Variants in STXBP5 observed in about 807,000 individuals in gnomAD.
STXBP5 encodes the protein syntaxin binding protein 5.
Under a neutral mutation model 152.4 loss-of-function variants are expected in STXBP5, and 50 were observed. The ratio of observed to expected loss-of-function variants is 0.33; its 90% CI spans 0.26 to 0.42. The LOEUF (loss-of-function observed/expected upper bound fraction) is 0.42, where lower values mean the gene tolerates loss of function less well. Among genes scored for constraint, STXBP5 ranks in the 10% least tolerant of loss-of-function variants. The pLI is 1.00. For missense variants in STXBP5, 1,167 were observed against 1,388.6 expected, an observed-to-expected ratio of 0.84 and a Z score of 2.54; for synonymous variants, 492 against 494.7, an observed-to-expected ratio of 0.99 and a Z score of 0.07.
intron 22 of STXBP5, among the ~76,000 whole-genome samples, chr6:147,355,511 TA>T (rs1784777340): frequency 6.6e-6 from 1 of 152,176 alleles, no homozygotes; most frequent in African/African-American, 2.4e-5. Flanking sequence ...ACATCTAAAC[TA>T]GAACTTTAAT....
chr6:147,345,886 T>G (rs1784303839), intron 21 of STXBP5, among the ~76,000 whole-genome samples: 1 of 152,204 alleles, frequency 6.6e-6, no homozygotes. Flanking sequence ...TTATTCCTAC[T>G]AAACAAATGC....
At chr6:147,206,226 C>T (rs2115008821) in intron 2 of STXBP5, among the ~76,000 whole-genome samples, 158 bp downstream of exon 2, 1 of 152,254 alleles carries the variant, frequency 6.6e-6, no homozygotes. Context: ...GATTATAATT[C>T]AGCTTATATA....
At chr6:147,359,399 T>A (rs1461931234) in intron 23 of STXBP5, 76 bp downstream of exon 23, 3 of 1,517,882 alleles carry the variant, frequency 2.0e-6, no homozygotes, top group East Asian at 4.6e-5. Flanking sequence ...TTTTCATTCT[T>A]GAATTGATCT....
At chr6:147,299,621 AAC>A (rs1465500072) in intron 9 of STXBP5, among the ~76,000 whole-genome samples, 1 of 152,064 alleles carries the variant, frequency 6.6e-6, no homozygotes, top group Non-Finnish European at 1.5e-5. Context: ...AAAACCCAGT[AAC>A]ACACAACAAA....
At chr6:147,253,161 CA>C (rs2115294452) in intron 4 of STXBP5, among the ~76,000 whole-genome samples, 1 of 152,198 alleles carries the variant, frequency 6.6e-6, no homozygotes, top group East Asian at 1.9e-4. Context: ...TCAACATACG[CA>C]AATCAATAAA....
At position 147,206,080 on chromosome 6, in the gene STXBP5, T is replaced by C. The variant is rs1276209307; in HGVS notation, c.248+12T>C. 6.2e-7 allele frequency: 1 copy of C among 1,606,742 alleles called. No homozygotes were observed. The highest frequency in any genetic ancestry group is 1.1e-5 in the South Asian group (1 of 90,802). On this transcript the variant is annotated intron_variant, in intron 2 of 27. Coordinates refer to ENST00000321680, the MANE Select transcript of STXBP5 (RefSeq NM_001127715.4). ...GGTGCTTTAAGGCTGTATCCTTTCTTTAATTTTATTTTTTAACTTCTACTT... is the reference window on the plus strand; with the variant it reads ...GGTGCTTTAAGGCTGTATCCTTTCTCTAATTTTATTTTTTAACTTCTACTT...
intron 22 of STXBP5, among the ~76,000 whole-genome samples, chr6:147,357,435 G>A (rs910338162): frequency 2.6e-5 from 4 of 152,098 alleles, no homozygotes. Flanking sequence ...CAGGAGGGTA[G>A]ATTAAAGATA....
chr6:147,310,281 A>T (rs757966164), intron 10 of STXBP5, 43 bp downstream of exon 10: 21 of 1,229,434 alleles, frequency 1.7e-5, no homozygotes, highest in South Asian at 1.2e-4. Context: ...TAGAGAGCTG[A>T]TATTAAAAAA....
At chr6:147,324,372 A>G (rs1204425958) in intron 16 of STXBP5, among the ~76,000 whole-genome samples, 1 of 143,648 alleles carries the variant, frequency 7.0e-6, no homozygotes, top group African/African-American at 2.6e-5. Context: ...TCCCGGGTTC[A>G]AGCGATTCTC....
intron 2 of STXBP5, among the ~76,000 whole-genome samples, chr6:147,229,389 ATATG>A (rs1777884841): frequency 6.6e-6 from 1 of 151,794 alleles, no homozygotes; most frequent in Non-Finnish European, 1.5e-5. Flanking sequence ...ACATATAATG[ATATG>A]TAAGTACCAG....
chr6:147,234,583 A>C (rs1000577210), intron 2 of STXBP5, among the ~76,000 whole-genome samples: 3 of 151,966 alleles, frequency 2.0e-5, no homozygotes, highest in African/African-American at 7.2e-5. Flanking sequence ...ATGAGTTGAT[A>C]TAAATAACAT....
chr6:147,205,611 A>T (rs1377184047), intron 1 of STXBP5, among the ~76,000 whole-genome samples: 1 of 152,180 alleles, frequency 6.6e-6, no homozygotes, highest in Non-Finnish European at 1.5e-5. Context: ...AATACTGCCA[A>T]AATAAAGTAT....
At position 147,327,148 on chromosome 6, in the gene STXBP5, G is replaced by A. The variant is rs1783304916; in HGVS notation, c.1952G>A (p.Gly651Asp). Residue 651 changes from glycine to aspartate, a missense_variant, in exon 18 of 28, where the codon GGC (glycine) becomes GAC (aspartate). This residue lies in a region of STXBP5 where 833 missense variants were observed against 986.3 expected (regional missense o/e 0.84). Transcript: ENST00000321680. Reference protein sequence around the residue: ...YGLVVFGNCNGIAMVDYLQKA... With the variant: ...YGLVVFGNCNDIAMVDYLQKA... ...AGGGTGGTTTTTGGCAATTGCAATG[G>A]CATTGCTATGGTTGACTACCTCCAG... The A allele has an allele frequency of 2.5e-6, 4 of 1,611,796 alleles. No homozygotes were observed. Among genetic ancestry groups the A allele is most frequent in the Non-Finnish European group, 3.4e-6 (4 of 1,179,326 alleles).
chr6:147,310,066 T>TA lies in STXBP5; in HGVS notation c.918-17dup. On this transcript the variant is annotated splice_polypyrimidine_tract_variant and intron_variant, in intron 9 of 27. Coordinates refer to ENST00000321680, the MANE Select transcript of STXBP5 (RefSeq NM_001127715.4). Reference sequence around the variant, plus strand: ...TTTACTATGCCATTAATAATCTTAATATGTATTTTATTTCCAGGGAGCCTT... The same window carrying TA: ...TTTACTATGCCATTAATAATCTTAATAATGTATTTTATTTCCAGGGAGCCTT... 6.8e-7 allele frequency: 1 copy of TA among 1,474,852 alleles called. No individual in the cohort carries two copies. Among genetic ancestry groups the TA allele is most frequent in the Non-Finnish European group, 9.1e-7 (1 of 1,103,238 alleles). 91.4% of individuals were successfully genotyped at this position (1,474,852 alleles called of 1,614,324 possible).
At chr6:147,278,048 AT>A (rs1780529776) in intron 7 of STXBP5, 32 bp from the exon 8 acceptor site, 2 of 1,570,788 alleles carry the variant, frequency 1.3e-6, no homozygotes, top group Middle Eastern at 1.7e-4. Flanking sequence ...GTTTAAATAG[AT>A]TTTTTAAATG....
rs1435238894 is a variant in STXBP5, at chr6:147,334,753, A to C, written c.2146+531A>C. Among the ~76,000 whole-genome samples, 3 of 152,168 alleles carry C rather than the reference A, an allele frequency of 2.0e-5. No homozygotes were observed. The East Asian group carries it at 5.8e-4, about 29-fold the overall frequency. ...ATATTAACATTTCAAAAGAATATTA[A>C]TTTTTATTATCTTTGGAGACCTCTT... On this transcript the variant is annotated intron_variant, in intron 19 of 27. Coordinates refer to ENST00000321680, the MANE Select transcript of STXBP5 (RefSeq NM_001127715.4).
rs140041826 is a variant in STXBP5 at position 147,359,205 on chromosome 6, G to A, written c.2427G>A (p.Ser809=). ...FCETFTRKTD[S]SPSPCLWVGT... is the part of the protein sequence containing the mutation. ...AAACGTTTACTCGAAAGACGGACTC[G>A]TCCCCTTCCCCTTGTCTATGGGTTG... Residue 809 remains serine, a synonymous_variant, in exon 23 of 28, where the codon TCG becomes TCA. Coordinates refer to ENST00000321680, the MANE Select transcript of STXBP5 (RefSeq NM_001127715.4). 2.5e-5 allele frequency: 40 copies of A among 1,613,884 alleles called. No homozygotes were observed. The highest frequency in any genetic ancestry group is 1.6e-4 in the Middle Eastern group (1 of 6,082).
In STXBP5 at chr6:147,278,757, G is replaced by A. The variant is rs553045425; in HGVS notation, c.838+553G>A. Among the ~76,000 whole-genome samples the A allele has an allele frequency of 1.8e-4, 28 of 152,218 alleles. No individual in the cohort carries two copies. In the South Asian group the frequency reaches 5.6e-3, roughly 31 times the overall value. On this transcript the variant is annotated intron_variant, in intron 8 of 27. Transcript: ENST00000321680. Reference sequence around the variant, plus strand: ...AAGGCATAAAGCAGAATCTGCAAAGGGAAAAAACACATGAAGTTTAGAGGA... The same window carrying A: ...AAGGCATAAAGCAGAATCTGCAAAGAGAAAAAACACATGAAGTTTAGAGGA...
chr6:147,209,299 A>G (rs1016131638), intron 2 of STXBP5, among the ~76,000 whole-genome samples: 1 of 152,160 alleles, frequency 6.6e-6, no homozygotes, highest in African/African-American at 2.4e-5. Flanking sequence ...AAATACAGTG[A>G]AATAGACAAT....
Sources: allele counts gnomAD v4.1 joint callset (sites outside exome capture counted in the v4.1 genomes callset), GRCh38; gene constraint gnomAD v4.1.1; regional missense constraint gnomAD v4.1.1; transcripts MANE v1.5; gene names NCBI Gene and HGNC (gene_info 2026-07-23, HGNC 2026-07-21).